The following MYH14 variants were observed in gnomAD, a reference collection of about 807,000 sequenced individuals.
The protein encoded by MYH14 is myosin-14.
MYH14 carries 123 observed loss-of-function variants against 255.5 expected under a neutral mutation model. The ratio of observed to expected loss-of-function variants is 0.48; its 90% CI spans 0.42 to 0.56. The LOEUF (loss-of-function observed/expected upper bound fraction) is 0.56. Ranked by LOEUF, MYH14 falls within the 20% of genes least tolerant of loss-of-function variation. The pLI, the probability that MYH14 is intolerant of heterozygous loss-of-function variation, is 0.00. For synonymous variants in MYH14, 1,095 were observed against 1,161.2 expected (o/e 0.94, Z 1.16); for missense variants, 2,423 against 2,802.3 (o/e 0.86, Z 3.06).
intron 1 of MYH14, among the ~76,000 whole-genome samples, chr19:50,207,752 G>A (rs1015899135): frequency 2.0e-5 from 3 of 152,224 alleles, no homozygotes; most frequent in Non-Finnish European, 4.4e-5. Context: ...GAACCTGAAT[G>A]ACAAAAATCA....
rs777548369 is a variant in MYH14 at position 50,268,215 on chromosome 19, T to C, written c.2881T>C (p.Cys961Arg). The C allele has an allele frequency of 3.6e-5, 56 of 1,557,860 alleles. No homozygotes were observed. Among genetic ancestry groups the C allele is most frequent in the Non-Finnish European group, 4.8e-5 (55 of 1,151,948 alleles). ...GCAATTGCGAGCAGAGGCAGAACTG[T>C]GTGCAGAGGCCGAGGAGACGCGGGG... ...AEQLRAEAEL[C>R]AEAEETRGRL... The change falls in exon 24 of 43, where the codon TGT (cysteine) becomes CGT (arginine). Residue 961 changes from cysteine (C) to arginine (R), a missense_variant. Around this residue, in one of 3 missense-constraint regions of MYH14, gnomAD observed 1,513 missense variants for 1,674.8 expected, o/e 0.90. Transcript: ENST00000642316.
At chr19:50,288,867 G>A (rs1325000292) in intron 34 of MYH14, among the ~76,000 whole-genome samples, 6 of 152,112 alleles carry the variant, frequency 3.9e-5, no homozygotes, top group Admixed American at 3.9e-4. Context: ...GGAGAGGGGT[G>A]AAGGGGGAGT....
chr19:50,253,568 A>C (rs984285022), intron 16 of MYH14, among the ~76,000 whole-genome samples: 1 of 152,072 alleles, frequency 6.6e-6, no homozygotes, highest in African/African-American at 2.4e-5. Context: ...AGTTCCCTTC[A>C]CGCCCCCAGG....
chr19:50,286,022 T>C (rs2035877254), intron 33 of MYH14: 1 of 152,992 alleles, frequency 6.5e-6, no homozygotes, highest in African/African-American at 2.4e-5. Flanking sequence ...AAACTTATCA[T>C]GAAGTCCTTG....
chr19:50,206,626 G>A (rs937014786), intron 1 of MYH14, among the ~76,000 whole-genome samples: 2 of 152,088 alleles, frequency 1.3e-5, no homozygotes, highest in African/African-American at 4.8e-5. Context: ...TGCTGGGCTT[G>A]GGGATGGGAG....
chr19:50,232,817 G>C (rs1399902641), intron 10 of MYH14, among the ~76,000 whole-genome samples: 1 of 152,038 alleles, frequency 6.6e-6, no homozygotes. Flanking sequence ...CAGGAAAGGG[G>C]TGGCATATTT....
chr19:50,213,824 T>TTTTG (rs374458228), intron 2 of MYH14, among the ~76,000 whole-genome samples: 31 of 152,212 alleles, frequency 2.0e-4, no homozygotes, highest in Non-Finnish European at 3.2e-4. Flanking sequence ...ATGTTCTGTT[T>TTTTG]TTTGTTTGTT....
intron 25 of MYH14, 41 bp from the exon 26 acceptor site, chr19:50,271,808 C>G (rs576764833): frequency 1.5e-5 from 24 of 1,610,650 alleles, no homozygotes; most frequent in Non-Finnish European, 2.0e-5. Context: ...GCTCCTGGCC[C>G]AACTCCTCCT....
At chr19:50,278,773 G>A (rs7260100) in intron 30 of MYH14, among the ~76,000 whole-genome samples, 29,976 of 148,310 alleles carry the variant, frequency 0.2, 3,300 homozygotes, top group Non-Finnish European at 0.24. Flanking sequence ...TCAGAAGTTC[G>A]AGACCGGCCT....
chr19:50,267,521 G>A (rs777294496), intron 23 of MYH14, among the ~76,000 whole-genome samples: 94 of 152,008 alleles, frequency 6.2e-4, no homozygotes, highest in Admixed American at 1.2e-3. Context: ...GTGTGATGGC[G>A]CACGCCTGTA....
intron 40 of MYH14, among the ~76,000 whole-genome samples, chr19:50,306,220 G>A (rs543116182): frequency 3.9e-5 from 6 of 152,212 alleles, no homozygotes; most frequent in South Asian, 2.1e-4. Flanking sequence ...CAGAGGTTGC[G>A]GTGAGCTGGA....
At chr19:50,257,094 G>C (rs1441298605) in intron 17 of MYH14, among the ~76,000 whole-genome samples, 6 of 152,338 alleles carry the variant, frequency 3.9e-5, no homozygotes, top group Non-Finnish European at 5.9e-5. Flanking sequence ...TCTAAGCTGT[G>C]TGACCTTAAG....
chr19:50,251,276 G>A lies in MYH14; in HGVS notation c.1830+588G>A, dbSNP rs555330945. ...CAGCTTTGTGGGCCAGACGATCTCT[G>A]TCACAGCTACACAATTCTGCTGTGG... On this transcript the variant is annotated intron_variant, in intron 15 of 42. Transcript: ENST00000642316. 1.9e-3 allele frequency among the ~76,000 whole-genome samples: 286 copies of A among 152,116 alleles called. 3 individuals carry two copies. Among genetic ancestry groups the A allele is most frequent in the Non-Finnish European group, 2.8e-3 (191 of 68,012 alleles).
chr19:50,224,032 T>TGGCC, intron 5 of MYH14, 122 bp from the exon 6 acceptor site: 2 of 610,330 alleles, frequency 3.3e-6, no homozygotes, highest in Admixed American at 2.2e-5. Flanking sequence ...ATGCCCGGTT[T>TGGCC]CCCCAGTCCC....
chr19:50,239,469 A>C lies in MYH14; in HGVS notation c.1115-4773A>C, dbSNP rs2033802848. The stretch of plus-strand genomic sequence containing the variant: ...CTGTATCTGGGTCTGTTTCCCTGCA[A>C]TTACATTCTAGTTACACGTTTTTGG... On this transcript the variant is annotated intron_variant, in intron 10 of 42. Coordinates refer to ENST00000642316, the MANE Select transcript of MYH14 (RefSeq NM_001145809.2). Among the ~76,000 whole-genome samples, 3 of 152,304 alleles carry C rather than the reference A, an allele frequency of 2.0e-5. No homozygotes were observed. In the South Asian group the frequency reaches 6.2e-4, roughly 32 times the overall value.
intron 10 of MYH14, among the ~76,000 whole-genome samples, chr19:50,235,080 C>T (rs996128653): frequency 6.6e-5 from 10 of 152,292 alleles, no homozygotes; most frequent in African/African-American, 2.2e-4. Flanking sequence ...TCTATTGGTT[C>T]AAAAGTTCCG....
At chr19:50,309,568 CTCTCCTCCCCCTT>C (rs2036778332) in intron 42 of MYH14, 59 bp from the exon 43 acceptor site, 2 of 965,546 alleles carry the variant, frequency 2.1e-6, no homozygotes, top group South Asian at 2.9e-5. Context: ...TCATCTCTCT[CTCTCCTCCCCCTT>C]TCTCCTCCCC....
At position 50,280,308 on chromosome 19, in the gene MYH14, G is replaced by A; in HGVS notation, c.4215G>A (p.Gly1405=). The change falls in exon 32 of 43, where the codon GGG becomes GGA. Residue 1405 remains glycine (G), a synonymous_variant. Transcript: ENST00000642316. This position sits in a 1 kb window ranked among gnomAD's most constrained non-coding sequence, Gnocchi z 4.8. ...RVRAMEAEAA[G]LREQLEEEAA... ...GAGCCATGGAGGCTGAGGCAGCCGG[G>A]CTGCGTGAGCAGCTGGAGGAGGAGG... is the stretch of plus-strand genomic sequence containing the variant. 6.4e-7 allele frequency: 1 copy of A among 1,550,760 alleles called. No individual in the cohort carries two copies. The highest frequency in any genetic ancestry group is 8.7e-7 in the Non-Finnish European group (1 of 1,146,836).
Position 50,250,679 on chromosome 19 carries a change from C to T in MYH14, c.1821C>T (p.Tyr607=), listed in dbSNP as rs775552897. The change falls in exon 15 of 43, where the codon TAC becomes TAT. Residue 607 remains tyrosine (Y), a synonymous_variant. Coordinates refer to ENST00000642316, the MANE Select transcript of MYH14 (RefSeq NM_001145809.2). This position sits in a 1 kb window ranked among gnomAD's most constrained non-coding sequence, Gnocchi z 5.4. ...RDQADFSVLH[Y]AGKVDYKANE... The stretch of plus-strand genomic sequence containing the variant: ...AGGCCGACTTCAGTGTTCTCCACTA[C>T]GCGGGCAAGGTAGGGGCTGGGGCCG... The T allele has an allele frequency of 5.4e-5, 87 of 1,611,658 alleles. No individual in the cohort carries two copies. The highest frequency in any genetic ancestry group is 8.9e-5 in the East Asian group (4 of 44,836).
Sources: gnomAD v4.1 joint callset for allele counts (sites outside exome capture counted in the v4.1 genomes callset) on GRCh38, gnomAD v4.1.1 for gene constraint, gnomAD v4.1.1 regional missense constraint, Gnocchi (gnomAD v3.1) non-coding constraint, MANE v1.5 for transcripts, NCBI Gene and HGNC (gene_info 2026-07-23, HGNC 2026-07-21) for gene names.